Variants in AGPS observed in about 807,000 individuals in gnomAD.
The protein encoded by AGPS is alkyldihydroxyacetonephosphate synthase, peroxisomal.
A neutral mutation model predicts 90.7 loss-of-function variants in AGPS; 26 were observed. The observed-to-expected ratio is 0.29, with a 90% CI of 0.21 to 0.40. The LOEUF (loss-of-function observed/expected upper bound fraction) is 0.40. Ranked by LOEUF, AGPS falls within the 10% of genes least tolerant of loss-of-function variation. The pLI is 1.00. For synonymous variants in AGPS, 294 were observed against 285.3 expected, an observed-to-expected ratio of 1.03 and a Z score of -0.31; for missense variants, 540 against 816.1, an observed-to-expected ratio of 0.66 and a Z score of 4.12.
chr2:177,512,820 A>G (rs953269014), intron 16 of AGPS, among the ~76,000 whole-genome samples: 2 of 152,340 alleles, frequency 1.3e-5, no homozygotes, highest in South Asian at 4.1e-4. Flanking sequence ...TGAGTAAGCT[A>G]TCGAACATTT....
At chr2:177,470,420 T>A (rs978485047) in intron 10 of AGPS, among the ~76,000 whole-genome samples, 3 of 152,122 alleles carry the variant, frequency 2.0e-5, no homozygotes, top group African/African-American at 7.2e-5. Flanking sequence ...TATAAGAGAT[T>A]GGGCTGGGCG....
At chr2:177,530,060 G>A (rs555629718) in intron 19 of AGPS, among the ~76,000 whole-genome samples, 4 of 152,284 alleles carry the variant, frequency 2.6e-5, no homozygotes, top group African/African-American at 4.8e-5. Context: ...ACAGCACCAG[G>A]TGGCAATCTG....
intron 2 of AGPS, among the ~76,000 whole-genome samples, chr2:177,426,150 A>G (rs1193638552): frequency 2.0e-5 from 3 of 152,070 alleles, no homozygotes; most frequent in Non-Finnish European, 2.9e-5. Context: ...TTCTCTTTGT[A>G]GCAATTGTGA....
intron 1 of AGPS, among the ~76,000 whole-genome samples, chr2:177,400,938 C>T (rs1255537557): frequency 6.6e-6 from 1 of 152,152 alleles, no homozygotes; most frequent in African/African-American, 2.4e-5. Context: ...AGGAATCCAG[C>T]CTAAGGAATA....
At chr2:177,526,749 G>T (rs1345242933) in intron 19 of AGPS, among the ~76,000 whole-genome samples, 1 of 152,126 alleles carries the variant, frequency 6.6e-6, no homozygotes, top group Non-Finnish European at 1.5e-5. Context: ...GCATTCAAAA[G>T]ATGCCTTTAA....
Position 177,542,785 on chromosome 2 carries a change from A to G in AGPS, c.*4590A>G, listed in dbSNP as rs2079248834. 6.6e-6 allele frequency: 1 copy of G among 152,154 alleles called. No homozygotes were observed. Among genetic ancestry groups the G allele is most frequent in the African/African-American group, 2.4e-5 (1 of 41,416 alleles). 9.4% of individuals were successfully genotyped at this position (152,154 alleles called of 1,614,324 possible). On this transcript the variant is annotated 3_prime_UTR_variant, in exon 20 of 20. Coordinates refer to ENST00000264167, the MANE Select transcript of AGPS (RefSeq NM_003659.4). ...TCATACTGGCATACAAGTTTCTATA[A>G]GTAGTTATTTTTTGAGCTACTTATA...
chr2:177,539,160 C>T lies in AGPS; in HGVS notation c.*965C>T, dbSNP rs771625568. On this transcript the variant is annotated 3_prime_UTR_variant, in exon 20 of 20. Coordinates refer to ENST00000264167, the MANE Select transcript of AGPS (RefSeq NM_003659.4). ...CTGAATTTGAAAGCCTCAGCAGTTTCAATGACAAAAATCATTTTTGATTTT... is the reference window on the plus strand; with the variant it reads ...CTGAATTTGAAAGCCTCAGCAGTTTTAATGACAAAAATCATTTTTGATTTT... The T allele has an allele frequency of 6.6e-6, 1 of 151,972 alleles. No homozygotes were observed. The highest frequency in any genetic ancestry group is 6.6e-5 in the Admixed American group (1 of 15,258). 9.4% of individuals were successfully genotyped at this position (151,972 alleles called of 1,614,324 possible).
In AGPS at chr2:177,523,695, CT is replaced by C; in HGVS notation, c.1798-52del. ...TTGGGAGTTGGGTCTTTTTCTTTCACTGCAAAATGAAATCTAACTAGCAACA... is the reference window on the plus strand; with the variant it reads ...TTGGGAGTTGGGTCTTTTTCTTTCACGCAAAATGAAATCTAACTAGCAACA... On this transcript the variant is annotated intron_variant, in intron 18 of 19. Coordinates refer to ENST00000264167, the MANE Select transcript of AGPS (RefSeq NM_003659.4). 2.0e-6 allele frequency: 3 copies of C among 1,527,386 alleles called. No homozygotes were observed. The South Asian group carries it at 3.4e-5, about 17-fold the overall frequency. 94.6% of individuals were successfully genotyped at this position (1,527,386 alleles called of 1,614,324 possible). A position where few individuals can be genotyped will look rare whatever the true frequency, so the allele number is the denominator to read the frequency against.
chr2:177,428,568 G>A lies in AGPS; in HGVS notation c.351-5759G>A, dbSNP rs183324840. Among the ~76,000 whole-genome samples the A allele has an allele frequency of 1.4e-4, 22 of 151,934 alleles. No homozygotes were observed. In the East Asian group the frequency reaches 1.7e-3, roughly 12 times the overall value. ...TTGTCTGGAAAGGATCTTCTTCTTCGCTTATGAAGCTTAGTTTGGCTGGAT... is the reference window on the plus strand; with the variant it reads ...TTGTCTGGAAAGGATCTTCTTCTTCACTTATGAAGCTTAGTTTGGCTGGAT... On this transcript the variant is annotated intron_variant, in intron 2 of 19. Coordinates refer to ENST00000264167, the MANE Select transcript of AGPS (RefSeq NM_003659.4).
chr2:177,501,208 T>A (rs951088955), intron 14 of AGPS, among the ~76,000 whole-genome samples: 3 of 152,110 alleles, frequency 2.0e-5, no homozygotes, highest in African/African-American at 7.2e-5. Flanking sequence ...AATAACTGTA[T>A]ATAGAGTTAA....
intron 14 of AGPS, among the ~76,000 whole-genome samples, chr2:177,505,100 A>T (rs553940448): frequency 1.3e-5 from 2 of 152,192 alleles, no homozygotes; most frequent in Non-Finnish European, 2.9e-5. Context: ...CACATCTAAC[A>T]TTCCAAATAC....
intron 8 of AGPS, among the ~76,000 whole-genome samples, chr2:177,446,398 C>T (rs934728699): frequency 6.6e-6 from 1 of 152,146 alleles, no homozygotes; most frequent in African/African-American, 2.4e-5. Flanking sequence ...GCCTCGGCCT[C>T]CTGAAGTGTT....
chr2:177,540,158 A>G lies in AGPS; in HGVS notation c.*1963A>G, dbSNP rs1048120163. On this transcript the variant is annotated 3_prime_UTR_variant, in exon 20 of 20. Coordinates refer to ENST00000264167, the MANE Select transcript of AGPS (RefSeq NM_003659.4). ...TTAATAAGAAGATCCATTCCTTTGCATGTGATTGTTATAACATTCTTTCCC... is the reference window on the plus strand; with the variant it reads ...TTAATAAGAAGATCCATTCCTTTGCGTGTGATTGTTATAACATTCTTTCCC... 1 of 151,084 alleles carries G rather than the reference A, an allele frequency of 6.6e-6. No homozygotes were observed. The highest frequency in any genetic ancestry group is 1.5e-5 in the Non-Finnish European group (1 of 67,730). 9.4% of individuals were successfully genotyped at this position (151,084 alleles called of 1,614,324 possible).
intron 8 of AGPS, among the ~76,000 whole-genome samples, chr2:177,454,416 A>G (rs1687051891): frequency 6.6e-6 from 1 of 151,678 alleles, no homozygotes; most frequent in Admixed American, 6.6e-5. Flanking sequence ...TATATCTTGC[A>G]TGTCTCTACT....
chr2:177,482,683 T>C lies in AGPS; in HGVS notation c.1233+497T>C, dbSNP rs1241604263. 2.0e-5 allele frequency among the ~76,000 whole-genome samples: 3 copies of C among 152,138 alleles called. No homozygotes were observed. The East Asian group carries it at 5.8e-4, about 29-fold the overall frequency. ...AATGTGCTGCTACTAGGCTATACTT[T>C]GTTTCATAATATTATCTAAGCTATA... is the stretch of plus-strand genomic sequence containing the variant. On this transcript the variant is annotated intron_variant, in intron 11 of 19. Coordinates refer to ENST00000264167, the MANE Select transcript of AGPS (RefSeq NM_003659.4).
chr2:177,393,422 G>A, intron 1 of AGPS: 1 of 985,366 alleles, frequency 1.0e-6, no homozygotes, highest in Non-Finnish European at 1.2e-6. Context: ...TTTTCTCCGA[G>A]GAGATATAAA....
At position 177,401,575 on chromosome 2, in the gene AGPS, C is replaced by T. The variant is rs139482451; in HGVS notation, c.260+8526C>T. Among the ~76,000 whole-genome samples, 958 of 150,370 alleles carry T rather than the reference C, an allele frequency of 6.4e-3. 10 individuals are homozygous for T. Among genetic ancestry groups the T allele is most frequent in the African/African-American group, 0.02 (822 of 40,942 alleles). ...TTTTTTTTTTTTTGCGACAGAGTCT[C>T]GCTCTGTTGCCCAGGCTGGTGTGCA... On this transcript the variant is annotated intron_variant, in intron 1 of 19. Coordinates refer to ENST00000264167, the MANE Select transcript of AGPS (RefSeq NM_003659.4).
intron 10 of AGPS, among the ~76,000 whole-genome samples, chr2:177,475,037 T>G (rs1044050786): frequency 7.2e-5 from 11 of 152,206 alleles, no homozygotes; most frequent in Non-Finnish European, 1.6e-4. Flanking sequence ...AGTTTTGAGT[T>G]TGATCAAGTG....
In AGPS at chr2:177,485,767, A is replaced by T. The variant is rs536014986; in HGVS notation, c.1233+3581A>T. Among the ~76,000 whole-genome samples the T allele has an allele frequency of 7.2e-5, 11 of 152,170 alleles. No individual in the cohort carries two copies. In the South Asian group the frequency reaches 2.3e-3, roughly 32 times the overall value. On this transcript the variant is annotated intron_variant, in intron 11 of 19. Transcript: ENST00000264167. ...CCCTGTCTCTATAAAAAATACAAAA[A>T]TTAGCTGGGTATGGAGGCATGTGCC...
Sources: gnomAD v4.1 joint callset for allele counts (sites outside exome capture counted in the v4.1 genomes callset) on GRCh38, gnomAD v4.1.1 for gene constraint, MANE v1.5 for transcripts, NCBI Gene and HGNC (gene_info 2026-07-23, HGNC 2026-07-21) for gene names.